Variants in CTNNA2 observed in about 807,000 individuals in gnomAD.
CTNNA2 encodes catenin alpha-2.
Under a neutral mutation model 101.0 loss-of-function variants are expected in CTNNA2, and 42 were observed. The observed-to-expected ratio is 0.42, with a 90% CI of 0.32 to 0.54. The LOEUF is 0.54. Among genes scored for constraint, CTNNA2 ranks in the 20% least tolerant of loss-of-function variants. The pLI, the probability that CTNNA2 is intolerant of heterozygous loss-of-function variation, is 0.14. For missense variants in CTNNA2, 871 were observed against 1,223.1 expected, an observed-to-expected ratio of 0.71 and a Z score of 4.29; for synonymous variants, 450 against 456.4, an observed-to-expected ratio of 0.99 and a Z score of 0.18.
At chr2:80,057,780 AC>A (rs1216320567) in intron 7 of CTNNA2, among the ~76,000 whole-genome samples, 4 of 152,186 alleles carry the variant, frequency 2.6e-5, no homozygotes, top group Admixed American at 6.5e-5. Context: ...TACATCTCTA[AC>A]AAAAACATTT....
At chr2:79,709,850 G>T (rs1685631525) in intron 2 of CTNNA2, among the ~76,000 whole-genome samples, 1 of 152,116 alleles carries the variant, frequency 6.6e-6, no homozygotes, top group Non-Finnish European at 1.5e-5. Context: ...AGCCCCTTTT[G>T]TGAGGCCAGA....
chr2:79,942,765 T>C (rs1442851668), intron 7 of CTNNA2, among the ~76,000 whole-genome samples: 1 of 152,094 alleles, frequency 6.6e-6, no homozygotes, highest in Non-Finnish European at 1.5e-5. Flanking sequence ...CACATCTCTT[T>C]TGTGTTCTAC....
chr2:79,550,818 C>A (rs2104050328), intron 1 of CTNNA2, among the ~76,000 whole-genome samples: 1 of 152,196 alleles, frequency 6.6e-6, no homozygotes, highest in South Asian at 2.1e-4. Context: ...ACCTAATATA[C>A]CCACAGTCAC....
chr2:80,169,043 C>T (rs752818923), intron 7 of CTNNA2, among the ~76,000 whole-genome samples: 6 of 152,196 alleles, frequency 3.9e-5, no homozygotes, highest in African/African-American at 7.2e-5. Flanking sequence ...CCATGGGCCA[C>T]GGGGCCTGAC....
At chr2:79,490,376 G>C (rs1231032237) in intron 4 of CTNNA2, among the ~76,000 whole-genome samples, 1 of 152,084 alleles carries the variant, frequency 6.6e-6, no homozygotes, top group Non-Finnish European at 1.5e-5. Flanking sequence ...GTAGCCATCT[G>C]TCATTGGATG....
intron 2 of CTNNA2, among the ~76,000 whole-genome samples, chr2:79,713,840 A>G (rs987791446): frequency 5.3e-5 from 8 of 152,196 alleles, no homozygotes; most frequent in African/African-American, 1.9e-4. Context: ...TACATTAATT[A>G]TTACTTACGC....
intron 7 of CTNNA2, among the ~76,000 whole-genome samples, chr2:80,383,789 C>G (rs1194579300): frequency 6.6e-6 from 1 of 152,082 alleles, no homozygotes; most frequent in African/African-American, 2.4e-5. Flanking sequence ...AAAAAATTAC[C>G]ATTCAACCTA....
intron 18 of CTNNA2, among the ~76,000 whole-genome samples, chr2:80,620,614 C>CA (rs1386973937): frequency 5.9e-5 from 9 of 151,884 alleles, no homozygotes; most frequent in African/African-American, 2.2e-4. Context: ...CTTAATATTG[C>CA]AATGTGGGCA....
chr2:80,586,008 G>A (rs913272230), intron 14 of CTNNA2, among the ~76,000 whole-genome samples: 2 of 152,150 alleles, frequency 1.3e-5, no homozygotes, highest in African/African-American at 2.4e-5. Context: ...TTGCATTGGA[G>A]GGGATAGTTT....
intron 4 of CTNNA2, among the ~76,000 whole-genome samples, chr2:79,396,087 G>C (rs561709351): frequency 2.0e-5 from 3 of 152,058 alleles, no homozygotes; most frequent in East Asian, 1.9e-4. Flanking sequence ...TCAAGAGTTT[G>C]TTGTTTTATT....
intron 2 of CTNNA2, among the ~76,000 whole-genome samples, chr2:79,725,769 C>T (rs2104889744): frequency 6.6e-6 from 1 of 152,208 alleles, no homozygotes; most frequent in South Asian, 2.1e-4. Context: ...TCTACAAAAA[C>T]TTTACCACCC....
At chr2:79,280,751 G>A (rs1287334931) in intron 2 of CTNNA2, among the ~76,000 whole-genome samples, 1 of 150,920 alleles carries the variant, frequency 6.6e-6, no homozygotes, top group Non-Finnish European at 1.5e-5. Context: ...ATCCACCCTT[G>A]TGCAGCTCTT....
chr2:79,572,204 G>A (rs1365273270), intron 1 of CTNNA2, among the ~76,000 whole-genome samples: 1 of 152,134 alleles, frequency 6.6e-6, no homozygotes, highest in East Asian at 1.9e-4. Flanking sequence ...ATTTCTGTAC[G>A]TCTTGCTGGG....
Position 80,428,805 on chromosome 2 carries a change from G to T in CTNNA2, c.1290+9204G>T, listed in dbSNP as rs574943239. Reference sequence around the variant, plus strand: ...ATCATGCCACTGCACTTCAGCCTGGGTGACAGAGTGAGACGCTATCTCAAA... The same window carrying T: ...ATCATGCCACTGCACTTCAGCCTGGTTGACAGAGTGAGACGCTATCTCAAA... On this transcript the variant is annotated intron_variant, in intron 9 of 18. Transcript: ENST00000402739. Among the ~76,000 whole-genome samples the T allele has an allele frequency of 2.3e-3, 344 of 152,254 alleles. 3 individuals carry two copies. Among genetic ancestry groups the T allele is most frequent in the African/African-American group, 7.7e-3 (320 of 41,544 alleles).
intron 2 of CTNNA2, among the ~76,000 whole-genome samples, chr2:79,670,107 C>T (rs1354338027): frequency 6.6e-6 from 1 of 152,188 alleles, no homozygotes; most frequent in Non-Finnish European, 1.5e-5. Flanking sequence ...CAGAGATGCC[C>T]CAGTCCTGTG....
chr2:79,238,921 G>T (rs1467102958), intron 2 of CTNNA2, among the ~76,000 whole-genome samples: 3 of 152,060 alleles, frequency 2.0e-5, no homozygotes, highest in Non-Finnish European at 2.9e-5. Context: ...AAGGCCTAAG[G>T]CAAAATACAA....
At chr2:80,109,898 A>G (rs564833495) in intron 7 of CTNNA2, among the ~76,000 whole-genome samples, 8 of 152,302 alleles carry the variant, frequency 5.3e-5, no homozygotes, top group Admixed American at 3.9e-4. Flanking sequence ...ATGGTTGTCT[A>G]TGTGACTTGT....
chr2:80,173,950 A>G (rs1374144341), intron 7 of CTNNA2, among the ~76,000 whole-genome samples: 1 of 152,188 alleles, frequency 6.6e-6, no homozygotes, highest in Admixed American at 6.5e-5. Context: ...AACACCCTCT[A>G]CTGACATAAT....
intron 2 of CTNNA2, among the ~76,000 whole-genome samples, chr2:79,723,630 A>G (rs1686627849): frequency 6.6e-6 from 1 of 152,184 alleles, no homozygotes; most frequent in Non-Finnish European, 1.5e-5. Flanking sequence ...AGCATAATCG[A>G]ATCAGTAAGC....
Sources: gnomAD v4.1 joint callset for allele counts (sites outside exome capture counted in the v4.1 genomes callset) on GRCh38, gnomAD v4.1.1 for gene constraint, MANE v1.5 for transcripts, NCBI Gene and HGNC (gene_info 2026-07-23, HGNC 2026-07-21) for gene names.